SYNE2: variants seen among roughly 807,000 people sequenced by gnomAD.
SYNE2 encodes the protein spectrin repeat containing nuclear envelope protein 2.
A neutral mutation model predicts 856.3 loss-of-function variants in SYNE2; 431 were observed. That is an observed-to-expected ratio of 0.50 (90% CI 0.47 to 0.55). SYNE2 has a LOEUF of 0.55. Among genes scored for constraint, SYNE2 ranks in the 20% least tolerant of loss-of-function variants. The pLI is 0.00. For synonymous variants in SYNE2, 2,923 were observed against 2,872.3 expected, an observed-to-expected ratio of 1.02 and a Z score of -0.56; for missense variants, 8,129 against 8,023.2, an observed-to-expected ratio of 1.01 and a Z score of -0.50.
chr14:64,197,182 GTGT>G (rs1187564365), intron 99 of SYNE2: 2 of 152,360 alleles, frequency 1.3e-5, no homozygotes. Flanking sequence ...CTCTCTGGCT[GTGT>G]CGCTTTGGTT....
chr14:63,776,553 A>C (rs561897433), intron 1 of SYNE2, among the ~76,000 whole-genome samples: 1 of 151,636 alleles, frequency 6.6e-6, no homozygotes, highest in Non-Finnish European at 1.5e-5. Flanking sequence ...AAGTGGGCAG[A>C]GCTTTGAAGA....
chr14:63,974,772 A>G (rs1203176468), intron 11 of SYNE2, among the ~76,000 whole-genome samples: 1 of 134,442 alleles, frequency 7.4e-6, no homozygotes, highest in Non-Finnish European at 1.5e-5. Context: ...GTGTGTGTAT[A>G]TATATATGTG....
intron 89 of SYNE2, among the ~76,000 whole-genome samples, chr14:64,164,209 A>G (rs1033182613): frequency 2.0e-5 from 3 of 152,012 alleles, no homozygotes; most frequent in Non-Finnish European, 4.4e-5. Context: ...TCCTGGGTTT[A>G]TGCCATTCTC....
At chr14:64,204,640 C>G (rs1257422687) in intron 100 of SYNE2, among the ~76,000 whole-genome samples, 1 of 151,880 alleles carries the variant, frequency 6.6e-6, no homozygotes, top group Non-Finnish European at 1.5e-5. Context: ...AAAATTCTGT[C>G]TTTATAGAAT....
chr14:63,961,416 A>G, intron 8 of SYNE2, 109 bp from the exon 9 acceptor site: 2 of 912,210 alleles, frequency 2.2e-6, no homozygotes, highest in Non-Finnish European at 3.5e-6. Flanking sequence ...ACTTTGGTGC[A>G]TTTCCAGAGC....
At chr14:64,024,631 T>A (rs2096963332) in intron 39 of SYNE2, among the ~76,000 whole-genome samples, 172 bp downstream of exon 39, 1 of 152,230 alleles carries the variant, frequency 6.6e-6, no homozygotes, top group African/African-American at 2.4e-5. Context: ...GGGAAAAATC[T>A]TCACATTGTC....
chr14:63,924,707 G>A (rs1479112697), intron 2 of SYNE2, among the ~76,000 whole-genome samples: 1 of 151,690 alleles, frequency 6.6e-6, no homozygotes, highest in East Asian at 1.9e-4. Context: ...TATTTAGCTT[G>A]TATCTTGCAG....
intron 9 of SYNE2, among the ~76,000 whole-genome samples, chr14:63,962,780 G>T (rs755558889): frequency 4.3e-4 from 65 of 152,130 alleles, no homozygotes; most frequent in Non-Finnish European, 7.1e-4. Flanking sequence ...GGCCTCAAGT[G>T]ATCTGCCTGC....
intron 108 of SYNE2, 149 bp from the exon 109 acceptor site, chr14:64,218,249 C>T: frequency 5.5e-6 from 4 of 731,328 alleles, no homozygotes; most frequent in South Asian, 4.6e-5. Context: ...GCTACCTAGA[C>T]ACTAAAGCAC....
chr14:63,867,022 A>G (rs1895541247), intron 1 of SYNE2, among the ~76,000 whole-genome samples: 1 of 152,194 alleles, frequency 6.6e-6, no homozygotes, highest in Admixed American at 6.5e-5. Flanking sequence ...CTTTACATGC[A>G]CCATCTCTTT....
chr14:63,766,609 G>A (rs1886695379), intron 1 of SYNE2, among the ~76,000 whole-genome samples: 1 of 152,210 alleles, frequency 6.6e-6, no homozygotes, highest in Admixed American at 6.5e-5. Flanking sequence ...AGGTTTAGCA[G>A]TGGCAAAGAG....
intron 55 of SYNE2, among the ~76,000 whole-genome samples, chr14:64,079,863 T>A (rs1294267190): frequency 6.6e-6 from 1 of 152,132 alleles, no homozygotes; most frequent in Non-Finnish European, 1.5e-5. Context: ...TGTGCGCCAC[T>A]ACACCTGGCT....
chr14:63,976,513 T>C (rs1190356107), intron 11 of SYNE2, 50 bp from the exon 12 acceptor site: 3 of 1,580,158 alleles, frequency 1.9e-6, no homozygotes, highest in Non-Finnish European at 2.6e-6. Flanking sequence ...AGAAATAAAC[T>C]AGAAAAGTTC....
In SYNE2 at chr14:64,020,095, TAAGA is replaced by T; in HGVS notation, c.5151+4_5151+7del. 1 of 1,599,900 alleles carries T rather than the reference TAAGA, an allele frequency of 6.3e-7. No homozygotes were observed. The highest frequency in any genetic ancestry group is 1.3e-5 in the African/African-American group (1 of 74,770). ...AGTGAAATACCTCTTGAATTGCAGG[TAAGA>T]ATTTTTATTTAAAAGTTTCAGTTAT... On this transcript the variant is annotated splice_donor_5th_base_variant and intron_variant, in intron 35 of 115. Transcript: ENST00000555002.
intron 30 of SYNE2, among the ~76,000 whole-genome samples, chr14:64,006,119 A>G (rs2096793940): frequency 6.6e-6 from 1 of 152,212 alleles, no homozygotes; most frequent in African/African-American, 2.4e-5. Flanking sequence ...TGAAAACCTT[A>G]TGGGAGTGAA....
chr14:63,954,685 T>C (rs751727620), intron 7 of SYNE2, 34 bp from the exon 8 acceptor site: 2 of 1,596,666 alleles, frequency 1.3e-6, no homozygotes, highest in Non-Finnish European at 1.7e-6. Context: ...TTCTTTTTAA[T>C]GGTATTTGTC....
rs779852124 is a variant in SYNE2 at position 64,223,204 on chromosome 14, C to G, written c.20206C>G (p.Leu6736Val). Residue 6736 changes from leucine (L) to valine (V), a missense_variant, in exon 113 of 116, where the codon CTG becomes GTG. This residue lies in a region of SYNE2 where 5,410 missense variants were observed against 5,284.8 expected (regional missense o/e 1.02). Coordinates refer to ENST00000555002, the MANE Select transcript of SYNE2 (RefSeq NM_182914.3). ...RRELMQLEKELVERQPQVDML... is the reference protein window; with the variant it reads ...RRELMQLEKEVVERQPQVDML... Reference sequence around the variant, plus strand: ...CTGTTTTCAGCAACTGGAAAAGGAGCTGGTAGAACGTCAACCTCAAGTGGA... The same window carrying G: ...CTGTTTTCAGCAACTGGAAAAGGAGGTGGTAGAACGTCAACCTCAAGTGGA... 3.7e-6 allele frequency: 6 copies of G among 1,613,758 alleles called. No individual in the cohort carries two copies. In the African/African-American group the frequency reaches 5.3e-5, roughly 14 times the overall value.
chr14:64,052,125 G>C lies in SYNE2; in HGVS notation c.8212G>C (p.Glu2738Gln). Residue 2738 changes from glutamate to glutamine, a missense_variant, in exon 48 of 116, where the codon GAG becomes CAG. This residue lies in a region of SYNE2 where 5,410 missense variants were observed against 5,284.8 expected (regional missense o/e 1.02). Transcript: ENST00000555002. The part of the protein sequence containing the change: ...KKCDIRNKMK[E>Q]TILWAKNLLG... ...GTGTGACATAAGGAACAAGATGAAA[G>C]AGACTATCTTATGGGCCAAGAATTT... The C allele has an allele frequency of 3.1e-6, 5 of 1,614,182 alleles. No individual in the cohort carries two copies. Among genetic ancestry groups the C allele is most frequent in the Non-Finnish European group, 4.2e-6 (5 of 1,180,028 alleles).
chr14:64,143,860 G>A lies in SYNE2; in HGVS notation c.15395G>A (p.Ser5132Asn), dbSNP rs765802633. The stretch of plus-strand genomic sequence containing the variant: ...CAGCTAAGCACCTGTGATGTAGAAA[G>A]CAAGCGCTATGAAAGAACGGAGTTT... ...LLQLSTCDVESKRYERTEFAE... is the reference protein window; with the variant it reads ...LLQLSTCDVENKRYERTEFAE... Residue 5132 changes from serine (S) to asparagine (N), a missense_variant, in exon 83 of 116, where the codon AGC becomes AAC. Ser to Asn is a conservative substitution (Grantham distance 46). Coordinates refer to ENST00000555002, the MANE Select transcript of SYNE2 (RefSeq NM_182914.3). The A allele has an allele frequency of 8.1e-6, 13 of 1,614,088 alleles. No individual in the cohort carries two copies. The East Asian group carries it at 8.9e-5, about 11-fold the overall frequency.
Sources: allele counts gnomAD v4.1 joint callset (sites outside exome capture counted in the v4.1 genomes callset), GRCh38; gene constraint gnomAD v4.1.1; regional missense constraint gnomAD v4.1.1; transcripts MANE v1.5; gene names NCBI Gene and HGNC (gene_info 2026-07-23, HGNC 2026-07-21).